Variants in XIRP2 observed in about 807,000 individuals in gnomAD.
The protein encoded by XIRP2 is xin actin-binding repeat-containing protein 2.
XIRP2 carries 236 observed loss-of-function variants against 277.0 expected under a neutral mutation model. The ratio of observed to expected loss-of-function variants is 0.85; its 90% confidence interval spans 0.77 to 0.95. XIRP2 has a LOEUF of 0.95. Among genes scored for constraint, XIRP2 ranks in the 40% least tolerant of loss-of-function variants. The pLI, the probability that XIRP2 is intolerant of heterozygous loss-of-function variation, is 0.00. For missense variants in XIRP2, 4,640 were observed against 4,157.5 expected, an observed-to-expected ratio of 1.12 and a Z score of -3.19; for synonymous variants, 1,490 against 1,416.5, an observed-to-expected ratio of 1.05 and a Z score of -1.17.
At chr2:167,091,770 T>C (rs1045362702) in intron 2 of XIRP2, among the ~76,000 whole-genome samples, 1 of 152,164 alleles carries the variant, frequency 6.6e-6, no homozygotes, top group African/African-American at 2.4e-5. Flanking sequence ...TACTTCAAGA[T>C]GGAAGGCTGC....
At chr2:167,196,597 G>A (rs749455244) in intron 3 of XIRP2, among the ~76,000 whole-genome samples, 12 of 152,156 alleles carry the variant, frequency 7.9e-5, no homozygotes, top group African/African-American at 1.2e-4. Flanking sequence ...TTTCTGTAAC[G>A]GCAACCTAGT....
chr2:166,932,292 C>T (rs1356110965), intron 2 of XIRP2, among the ~76,000 whole-genome samples: 2 of 151,706 alleles, frequency 1.3e-5, no homozygotes, highest in Non-Finnish European at 2.9e-5. Flanking sequence ...TCACAGCTCA[C>T]TGCAGTCTTA....
intron 2 of XIRP2, among the ~76,000 whole-genome samples, chr2:167,040,820 G>T (rs1688640935): frequency 6.6e-6 from 1 of 152,052 alleles, no homozygotes; most frequent in Admixed American, 6.5e-5. Flanking sequence ...TTGCAGGGTG[G>T]GCCCCCACCA....
At chr2:167,024,158 A>T (rs1323278037) in intron 2 of XIRP2, among the ~76,000 whole-genome samples, 2 of 152,068 alleles carry the variant, frequency 1.3e-5, no homozygotes, top group Non-Finnish European at 2.9e-5. Flanking sequence ...CTCCTTGAAA[A>T]GGTCCCTCAC....
chr2:167,141,503 G>A (rs1477635877), intron 3 of XIRP2, among the ~76,000 whole-genome samples: 1 of 152,192 alleles, frequency 6.6e-6, no homozygotes, highest in Non-Finnish European at 1.5e-5. Flanking sequence ...CATAGGCCAG[G>A]ATAGTGGGAA....
At chr2:167,131,407 T>C (rs1468344588) in intron 2 of XIRP2, among the ~76,000 whole-genome samples, 1 of 152,168 alleles carries the variant, frequency 6.6e-6, no homozygotes, top group African/African-American at 2.4e-5. Flanking sequence ...AAGTTACTGC[T>C]CTATTCCTCC....
intron 3 of XIRP2, among the ~76,000 whole-genome samples, chr2:167,168,290 C>T (rs565790603): frequency 2.2e-4 from 33 of 152,158 alleles, no homozygotes; most frequent in East Asian, 3.9e-4. Flanking sequence ...CATTACTTTG[C>T]GGGAAACTCT....
At chr2:167,097,270 G>T (rs1690349308) in intron 2 of XIRP2, among the ~76,000 whole-genome samples, 1 of 152,146 alleles carries the variant, frequency 6.6e-6, no homozygotes, top group Non-Finnish European at 1.5e-5. Context: ...AGCTCTTCTT[G>T]TTCCATTGAT....
intron 3 of XIRP2, among the ~76,000 whole-genome samples, chr2:167,205,987 ACT>A (rs1693842815): frequency 6.6e-6 from 1 of 151,966 alleles, no homozygotes; most frequent in East Asian, 1.9e-4. Flanking sequence ...ACCCATGTAG[ACT>A]CTGGTTCACA....
chr2:166,988,286 T>C (rs1256763254), intron 2 of XIRP2, among the ~76,000 whole-genome samples: 3 of 152,192 alleles, frequency 2.0e-5, no homozygotes, highest in Non-Finnish European at 4.4e-5. Context: ...AGGGACATTC[T>C]ACTAACTGCC....
intron 2 of XIRP2, among the ~76,000 whole-genome samples, chr2:167,104,499 A>T (rs1044869723): frequency 6.6e-6 from 1 of 152,114 alleles, no homozygotes. Context: ...TTAAATTTTT[A>T]TCTAAAATAA....
At chr2:167,030,480 T>G (rs1359650329) in intron 2 of XIRP2, among the ~76,000 whole-genome samples, 1 of 152,174 alleles carries the variant, frequency 6.6e-6, no homozygotes, top group Non-Finnish European at 1.5e-5. Flanking sequence ...TACCCAGTAG[T>G]CATTCAGGAG....
At chr2:166,888,987 A>G (rs1278396135) in intron 1 of XIRP2, among the ~76,000 whole-genome samples, 1 of 152,126 alleles carries the variant, frequency 6.6e-6, no homozygotes, top group Non-Finnish European at 1.5e-5. Flanking sequence ...CGTTCCATTG[A>G]GTCAGGTCAG....
In XIRP2 at chr2:167,001,388, C is replaced by T. The variant is rs574586430; in HGVS notation, c.408+97498C>T. On this transcript the variant is annotated intron_variant, in intron 2 of 10. Coordinates refer to ENST00000409195, the MANE Select transcript of XIRP2 (RefSeq NM_152381.6). ...CTGAGTTAGGATAAACGCTAGGGAT[C>T]ATATTGAATAAGCAGATAACTTGTT... Among the ~76,000 whole-genome samples, 8 of 152,202 alleles carry T rather than the reference C, an allele frequency of 5.3e-5. No homozygotes were observed. The South Asian group carries it at 1.0e-3, about 20-fold the overall frequency.
intron 3 of XIRP2, among the ~76,000 whole-genome samples, chr2:167,168,172 A>C (rs1692579770): frequency 6.6e-6 from 1 of 151,930 alleles, no homozygotes; most frequent in Admixed American, 6.6e-5. Flanking sequence ...TTTTTTCTTT[A>C]ATCTTGATTT....
intron 2 of XIRP2, among the ~76,000 whole-genome samples, chr2:167,032,767 T>C (rs1193985320): frequency 1.3e-5 from 2 of 152,212 alleles, no homozygotes; most frequent in African/African-American, 4.8e-5. Flanking sequence ...TCAGTTAGAA[T>C]GGCAATCATT....
At position 167,054,083 on chromosome 2, in the gene XIRP2, C is replaced by T. The variant is rs115685842; in HGVS notation, c.409-81826C>T. On this transcript the variant is annotated intron_variant, in intron 2 of 10. Coordinates refer to ENST00000409195, the MANE Select transcript of XIRP2 (RefSeq NM_152381.6). The stretch of plus-strand genomic sequence containing the variant: ...TAAAGTTGAGAGAGTAAAATTCTAT[C>T]ATGGTGAAACCTCTTAATATTTGAT... Among the ~76,000 whole-genome samples, 1,234 of 152,222 alleles carry T rather than the reference C, an allele frequency of 8.1e-3. 24 individuals carry two copies. The highest frequency in any genetic ancestry group is 0.028 in the African/African-American group (1,176 of 41,534).
intron 3 of XIRP2, among the ~76,000 whole-genome samples, chr2:167,167,082 A>G (rs1692542702): frequency 6.6e-6 from 1 of 152,304 alleles, no homozygotes; most frequent in Middle Eastern, 3.4e-3. Context: ...TCAATATGCA[A>G]TACCCCTTTT....
At chr2:166,917,481 G>A (rs1476285786) in intron 2 of XIRP2, among the ~76,000 whole-genome samples, 5 of 152,056 alleles carry the variant, frequency 3.3e-5, no homozygotes, top group African/African-American at 1.2e-4. Flanking sequence ...CCTGTCCAGT[G>A]TTTTATTTTA....
Sources: allele counts gnomAD v4.1 joint callset (sites outside exome capture counted in the v4.1 genomes callset), GRCh38; gene constraint gnomAD v4.1.1; transcripts MANE v1.5; gene names NCBI Gene and HGNC (gene_info 2026-07-23, HGNC 2026-07-21).